The following PRLR variants were observed in gnomAD, a reference collection of about 807,000 sequenced individuals.
PRLR encodes the protein hPRL receptor.
Under a neutral mutation model 40.2 loss-of-function variants are expected in PRLR, and 13 were observed. The observed-to-expected ratio is 0.32, with a 90% CI of 0.21 to 0.51. The LOEUF (loss-of-function observed/expected upper bound fraction) is 0.51, where lower values mean the gene tolerates loss of function less well. Ranked by LOEUF, PRLR falls within the 20% of genes least tolerant of loss-of-function variation. PRLR has a pLI of 0.97. For synonymous variants in PRLR, 269 were observed against 278.7 expected (o/e 0.97, Z 0.35); for missense variants, 656 against 747.3 (o/e 0.88, Z 1.42).
At chr5:35,053,264 A>G (rs1202720084), downstream of PRLR, among the ~76,000 whole-genome samples, 1 of 152,216 alleles carries the variant, frequency 6.6e-6, no homozygotes, top group African/African-American at 2.4e-5. Flanking sequence ...GCTTGTGGTG[A>G]TACCGTTGTA....
chr5:35,145,193 C>T (rs1434500784), intron 1 of PRLR, among the ~76,000 whole-genome samples: 1 of 152,176 alleles, frequency 6.6e-6, no homozygotes, highest in Non-Finnish European at 1.5e-5. Context: ...GCACAGGAGC[C>T]TTCTGACTGC....
chr5:35,076,721 G>T (rs1770124370), intron 5 of PRLR, among the ~76,000 whole-genome samples: 1 of 152,122 alleles, frequency 6.6e-6, no homozygotes, highest in African/African-American at 2.4e-5. Context: ...CTCGAGAAGA[G>T]CAACTCCAAG....
At chr5:35,091,852 T>C (rs1328588620) in intron 2 of PRLR, among the ~76,000 whole-genome samples, 2 of 152,246 alleles carry the variant, frequency 1.3e-5, no homozygotes, top group Non-Finnish European at 2.9e-5. Flanking sequence ...GGCTTAGAGA[T>C]GAGAGTCTAT....
intron 1 of PRLR, among the ~76,000 whole-genome samples, chr5:35,168,634 T>TA (rs1169977643): frequency 1.3e-5 from 2 of 152,076 alleles, no homozygotes; most frequent in Admixed American, 6.6e-5. Flanking sequence ...AACAGAAATT[T>TA]AAAAATATTT....
intron 1 of PRLR, among the ~76,000 whole-genome samples, chr5:35,224,384 TTC>T (rs554410238): frequency 6.6e-6 from 1 of 152,196 alleles, no homozygotes; most frequent in South Asian, 2.1e-4. Context: ...CAATTGGGTG[TTC>T]TCTCTCTGGA....
At position 35,188,698 on chromosome 5, in the gene PRLR, G is replaced by T. The variant is rs534742384; in HGVS notation, c.-106+41570C>A. Among the ~76,000 whole-genome samples, 5 of 152,344 alleles carry T rather than the reference G, an allele frequency of 3.3e-5. No individual in the cohort carries two copies. In the East Asian group the frequency reaches 9.6e-4, roughly 29 times the overall value. On this transcript the variant is annotated intron_variant, in intron 1 of 9. Coordinates refer to ENST00000618457, the MANE Select transcript of PRLR (RefSeq NM_000949.7). ...GCTTAAGCCCTGACCAACCAAAAAA[G>T]ATAGAAGATGTAAATTACTGGCGAG...
exon 9 of PRLR, chr5:35,048,974 C>T: frequency 2.5e-6 from 1 of 405,570 alleles, no homozygotes; most frequent in Non-Finnish European, 4.9e-6. Flanking sequence ...TGGCCACATC[C>T]TTCACAAACA....
chr5:35,185,533 CTGAGGAGGAACCCAG>C lies in PRLR; in HGVS notation c.-106+44720_-106+44734del, dbSNP rs1206288892. 7.2e-4 allele frequency among the ~76,000 whole-genome samples: 109 copies of C among 152,190 alleles called. 2 individuals are homozygous for C. Among genetic ancestry groups the C allele is most frequent in the Admixed American group, 6.8e-3 (104 of 15,284 alleles). On this transcript the variant is annotated intron_variant, in intron 1 of 9. Transcript: ENST00000618457. The stretch of plus-strand genomic sequence containing the variant: ...TTTGTGTATCTATCTGTCTGGGGTC[CTGAGGAGGAACCCAG>C]TGGGGACAAAAATCCCCATGGCAAC...
At chr5:35,168,174 C>T (rs567611907) in intron 1 of PRLR, among the ~76,000 whole-genome samples, 1 of 152,080 alleles carries the variant, frequency 6.6e-6, no homozygotes, top group East Asian at 1.9e-4. Flanking sequence ...TAAAGATCTA[C>T]ATTCATCTAA....
exon 9 of PRLR, chr5:35,049,211 G>A (rs1011394631): frequency 1.4e-6 from 1 of 701,750 alleles, no homozygotes; most frequent in Middle Eastern, 2.3e-4. Context: ...TCTCCCTGGG[G>A]TGCACAGTCT....
At chr5:35,167,416 C>T (rs558180807) in intron 1 of PRLR, among the ~76,000 whole-genome samples, 1 of 152,056 alleles carries the variant, frequency 6.6e-6, no homozygotes, top group African/African-American at 2.4e-5. Flanking sequence ...AGTCAATAAT[C>T]CAGGGATGAG....
At chr5:35,139,172 T>C (rs1773940840) in intron 1 of PRLR, among the ~76,000 whole-genome samples, 3 of 152,222 alleles carry the variant, frequency 2.0e-5, no homozygotes, top group Admixed American at 1.3e-4. Context: ...TCTCACTCTG[T>C]CATCCAGGCT....
intron 5 of PRLR, among the ~76,000 whole-genome samples, chr5:35,076,977 T>G (rs1300222194): frequency 6.6e-6 from 1 of 152,072 alleles, no homozygotes; most frequent in Non-Finnish European, 1.5e-5. Flanking sequence ...ATAAAATACT[T>G]TACAGACAAG....
chr5:35,154,307 C>T (rs934111404), intron 1 of PRLR, among the ~76,000 whole-genome samples: 18 of 152,268 alleles, frequency 1.2e-4, no homozygotes, highest in African/African-American at 4.1e-4. Context: ...GGCATAGAAA[C>T]TCTTGGAGGC....
chr5:35,143,202 T>C (rs1774072935), intron 1 of PRLR, among the ~76,000 whole-genome samples: 1 of 152,124 alleles, frequency 6.6e-6, no homozygotes, highest in Admixed American at 6.5e-5. Context: ...GCCCATAGGG[T>C]CTTTGTTGCA....
At position 35,193,424 on chromosome 5, in the gene PRLR, T is replaced by C. The variant is rs147092491; in HGVS notation, c.-106+36844A>G. The stretch of plus-strand genomic sequence containing the variant: ...GCACTCTATCATCTTACTGGGTTCA[T>C]TCTCTGTCTTCATTTCATCCAGAGA... On this transcript the variant is annotated intron_variant, in intron 1 of 9. Coordinates refer to ENST00000618457, the MANE Select transcript of PRLR (RefSeq NM_000949.7). Among the ~76,000 whole-genome samples, 512 of 152,342 alleles carry C rather than the reference T, an allele frequency of 3.4e-3. 2 individuals are homozygous for C. The highest frequency in any genetic ancestry group is 0.012 in the African/African-American group (482 of 41,566).
intron 1 of PRLR, among the ~76,000 whole-genome samples, chr5:35,194,227 G>A (rs767467387): frequency 5.3e-5 from 8 of 152,168 alleles, no homozygotes; most frequent in Non-Finnish European, 8.8e-5. Flanking sequence ...TTTATTAGAT[G>A]CCTACAAAGT....
intron 1 of PRLR, among the ~76,000 whole-genome samples, chr5:35,136,031 G>A (rs567711259): frequency 6.6e-6 from 1 of 152,348 alleles, no homozygotes; most frequent in South Asian, 2.1e-4. Flanking sequence ...GAGAAGTTAT[G>A]AAGTAGAAAA....
At position 35,198,839 on chromosome 5, in the gene PRLR, T is replaced by C. The variant is rs555324956; in HGVS notation, c.-106+31429A>G. ...CAGCTCTGACAGTGTTTCAGCCACA[T>C]GTCCTCAACTTTCTCTCAGTAAGCT... On this transcript the variant is annotated intron_variant, in intron 1 of 9. Coordinates refer to ENST00000618457, the MANE Select transcript of PRLR (RefSeq NM_000949.7). Among the ~76,000 whole-genome samples the C allele has an allele frequency of 3.0e-3, 455 of 152,338 alleles. 3 individuals are homozygous for C. The highest frequency in any genetic ancestry group is 0.01 in the African/African-American group (434 of 41,566).
Sources: gnomAD v4.1 joint callset for allele counts (sites outside exome capture counted in the v4.1 genomes callset) on GRCh38, gnomAD v4.1.1 for gene constraint, MANE v1.5 for transcripts, NCBI Gene and HGNC (gene_info 2026-07-23, HGNC 2026-07-21) for gene names.